Variants in ZNF148 observed in about 807,000 individuals in gnomAD.
The protein encoded by ZNF148 is zinc finger protein 148, also known as Beta-Enolase Repressor Factor-1.
ZNF148 carries 7 observed loss-of-function variants against 67.7 expected under a neutral mutation model. That is an observed-to-expected ratio of 0.10 (90% CI 0.06 to 0.19). The LOEUF is 0.19. ZNF148 is among the 10% of genes least tolerant of loss of function. The pLI is 1.00. For missense variants in ZNF148, 583 were observed against 947.1 expected (o/e 0.62, Z 5.05); for synonymous variants, 333 against 330.7 (o/e 1.01, Z -0.08).
intron 5 of ZNF148, among the ~76,000 whole-genome samples, chr3:125,284,520 G>A (rs1179627272): frequency 1.3e-5 from 2 of 152,080 alleles, no homozygotes; most frequent in Admixed American, 6.6e-5. Context: ...TCAGGTGGAT[G>A]GGGGAGAGCC....
chr3:125,282,289 AGT>A (rs1216652468), intron 5 of ZNF148, among the ~76,000 whole-genome samples: 3 of 152,116 alleles, frequency 2.0e-5, no homozygotes, highest in Admixed American at 2.0e-4. Context: ...CTACCAGCTG[AGT>A]GTGTTTGCCT....
chr3:125,337,709 C>G (rs751270086), intron 1 of ZNF148, among the ~76,000 whole-genome samples: 1 of 152,180 alleles, frequency 6.6e-6, no homozygotes, highest in Non-Finnish European at 1.5e-5. Context: ...ACACAACTAT[C>G]TGAGCAAGTA....
chr3:125,336,732 G>A (rs1434051816), intron 1 of ZNF148, among the ~76,000 whole-genome samples: 11 of 139,390 alleles, frequency 7.9e-5, no homozygotes, highest in South Asian at 2.2e-4. Flanking sequence ...GCTGGAGTGC[G>A]GTGGTACAAT....
At chr3:125,302,370 C>G (rs577360330) in intron 4 of ZNF148, among the ~76,000 whole-genome samples, 2 of 150,658 alleles carry the variant, frequency 1.3e-5, no homozygotes, top group African/African-American at 4.9e-5. Flanking sequence ...AGAACAAGAC[C>G]CTGTCTCAAA....
At chr3:125,306,261 G>A (rs961404182) in intron 4 of ZNF148, among the ~76,000 whole-genome samples, 1 of 151,972 alleles carries the variant, frequency 6.6e-6, no homozygotes, top group African/African-American at 2.4e-5. Flanking sequence ...GATAAGAAGA[G>A]CAAATGAAAA....
chr3:125,240,775 AAAAAACC>A lies in ZNF148; in HGVS notation c.668-6453_668-6447del, dbSNP rs548899823. Reference sequence around the variant, plus strand: ...GCAAGATCCTGTCTGCAAAAAAAAAAAAAAACCAAAAACCAAAAACCAAAACAAAACC... The same window carrying A: ...GCAAGATCCTGTCTGCAAAAAAAAAAAAAAACCAAAAACCAAAACAAAACC... On this transcript the variant is annotated intron_variant, in intron 7 of 8. Transcript: ENST00000360647. 5.1e-3 allele frequency among the ~76,000 whole-genome samples: 773 copies of A among 151,894 alleles called. 7 individuals are homozygous for A. Among genetic ancestry groups the A allele is most frequent in the African/African-American group, 0.016 (675 of 41,386 alleles).
At chr3:125,356,082 T>C (rs1282983910) in intron 1 of ZNF148, among the ~76,000 whole-genome samples, 1 of 152,168 alleles carries the variant, frequency 6.6e-6, no homozygotes, top group Non-Finnish European at 1.5e-5. Flanking sequence ...CATCTGCCTG[T>C]TGTAATCAAA....
At chr3:125,296,356 C>A (rs1215274350) in intron 4 of ZNF148, among the ~76,000 whole-genome samples, 1 of 152,200 alleles carries the variant, frequency 6.6e-6, no homozygotes, top group Non-Finnish European at 1.5e-5. Flanking sequence ...TTCCTGGTCT[C>A]AAGAGATCCA....
chr3:125,288,093 A>G lies in ZNF148; in HGVS notation c.459+10T>C. 1.9e-6 allele frequency: 3 copies of G among 1,613,662 alleles called. No individual in the cohort carries two copies. Among genetic ancestry groups the G allele is most frequent in the African/African-American group, 1.3e-5 (1 of 74,982 alleles). Reference sequence around the variant, plus strand: ...GAGGTTGTGATTACCACCTTAATACATTGTCTTACTTTTGCGGGAGAACGT... The same window carrying G: ...GAGGTTGTGATTACCACCTTAATACGTTGTCTTACTTTTGCGGGAGAACGT... On this transcript the variant is annotated intron_variant, in intron 5 of 8. Transcript: ENST00000360647.
At position 125,232,374 on chromosome 3, in the gene ZNF148, T is replaced by C. The variant is rs1384657807; in HGVS notation, c.2352A>G (p.Ser784=). The change falls in exon 9 of 9, where the codon TCA becomes TCG. Residue 784 remains serine (S), a synonymous_variant. Transcript: ENST00000360647. The surrounding 1 kb of genome is among the most constrained non-coding windows in gnomAD (Gnocchi z 4.2). The stretch of plus-strand genomic sequence containing the variant: ...AAGTCTGGCCAGTTGTGGCATCAGG[T>C]GAAGATGTCATCCCAGCTCTATTAT... ...VNDNRAGMTS[S]PDATTGQTFG is the part of the protein sequence containing the mutation. 1 of 1,606,264 alleles carries C rather than the reference T, an allele frequency of 6.2e-7. No homozygotes were observed. Among genetic ancestry groups the C allele is most frequent in the African/African-American group, 1.3e-5 (1 of 74,578 alleles).
chr3:125,287,039 G>C (rs896552804), intron 5 of ZNF148, among the ~76,000 whole-genome samples: 1 of 152,118 alleles, frequency 6.6e-6, no homozygotes, highest in Non-Finnish European at 1.5e-5. Flanking sequence ...GCTACCAATG[G>C]TTTTGGCAAC....
chr3:125,233,476 T>A lies in ZNF148; in HGVS notation c.1250A>T (p.Tyr417Phe). Residue 417 changes from tyrosine to phenylalanine, a missense_variant, in exon 9 of 9, where the codon TAT (tyrosine) becomes TTT (phenylalanine). Tyr to Phe is a conservative substitution (Grantham distance 22). Around this residue, in one of 5 missense-constraint regions of ZNF148, gnomAD observed 172 missense variants for 307.7 expected, o/e 0.56. Coordinates refer to ENST00000360647, the MANE Select transcript of ZNF148 (RefSeq NM_021964.3). The surrounding 1 kb of genome is among the most constrained non-coding windows in gnomAD (Gnocchi z 5.1). ...QNQTISPLST[Y>F]EESKVSKYAF... ...ATACTTTGAAACTTTGCTCTCTTCA[T>A]ATGTGGATAAAGGTGAAATTGTTTG... 6.2e-7 allele frequency: 1 copy of A among 1,613,916 alleles called. No individual in the cohort carries two copies. The highest frequency in any genetic ancestry group is 8.5e-7 in the Non-Finnish European group (1 of 1,179,930).
At chr3:125,350,819 C>CAT (rs1247577779) in intron 1 of ZNF148, among the ~76,000 whole-genome samples, 69 of 152,220 alleles carry the variant, frequency 4.5e-4, no homozygotes, top group African/African-American at 8.9e-4. Context: ...GGCAGCAGTC[C>CAT]ATATATATAT....
At chr3:125,243,698 A>AT (rs141754988) in intron 7 of ZNF148, among the ~76,000 whole-genome samples, 1 of 151,524 alleles carries the variant, frequency 6.6e-6, no homozygotes, top group Non-Finnish European at 1.5e-5. Context: ...AATTAAGAAA[A>AT]TTTTTTTTAT....
chr3:125,355,387 T>A (rs1942303427), intron 1 of ZNF148, among the ~76,000 whole-genome samples: 1 of 152,166 alleles, frequency 6.6e-6, no homozygotes, highest in Non-Finnish European at 1.5e-5. Context: ...AGGAGGTTTA[T>A]CTACCCACTA....
intron 7 of ZNF148, among the ~76,000 whole-genome samples, chr3:125,268,082 A>G (rs943901661): frequency 6.6e-6 from 1 of 152,100 alleles, no homozygotes; most frequent in Non-Finnish European, 1.5e-5. Context: ...TAAACAAACG[A>G]AAAAAAGTTC....
chr3:125,280,012 A>C (rs1190218294), intron 5 of ZNF148, among the ~76,000 whole-genome samples: 1 of 152,014 alleles, frequency 6.6e-6, no homozygotes, highest in African/African-American at 2.4e-5. Flanking sequence ...AAAAGAGAAC[A>C]CTAACTTTTC....
chr3:125,356,179 G>T (rs1031458739), intron 1 of ZNF148, among the ~76,000 whole-genome samples: 1 of 152,218 alleles, frequency 6.6e-6, no homozygotes, highest in Non-Finnish European at 1.5e-5. Context: ...AAGAAATCCA[G>T]TGTGGAGAAA....
At chr3:125,325,527 A>G (rs1455703570) in intron 2 of ZNF148, among the ~76,000 whole-genome samples, 2 of 152,072 alleles carry the variant, frequency 1.3e-5, no homozygotes, top group Admixed American at 6.6e-5. Flanking sequence ...GTGCGATAGT[A>G]CAATCTTGGC....
Sources: allele counts gnomAD v4.1 joint callset (sites outside exome capture counted in the v4.1 genomes callset), GRCh38; gene constraint gnomAD v4.1.1; regional missense constraint gnomAD v4.1.1; non-coding constraint Gnocchi (gnomAD v3.1); transcripts MANE v1.5; gene names NCBI Gene and HGNC (gene_info 2026-07-23, HGNC 2026-07-21).